EVI5: variants seen among roughly 807,000 people sequenced by gnomAD.
EVI5 encodes the protein ecotropic viral integration site 5 protein homolog.
A neutral mutation model predicts 112.0 loss-of-function variants in EVI5; 73 were observed. The observed-to-expected ratio is 0.65, with a 90% CI of 0.54 to 0.79. The LOEUF (loss-of-function observed/expected upper bound fraction) is 0.79. Among genes scored for constraint, EVI5 ranks in the 30% least tolerant of loss-of-function variants. EVI5 has a pLI of 0.00. For missense variants in EVI5, 900 were observed against 968.8 expected (o/e 0.93, Z 0.94); for synonymous variants, 305 against 319.9 (o/e 0.95, Z 0.50).
At chr1:92,786,261 T>G (rs1288562468), upstream of EVI5, among the ~76,000 whole-genome samples, 2 of 151,558 alleles carry the variant, frequency 1.3e-5, no homozygotes, top group African/African-American at 4.8e-5. Context: ...AAAACCTTAC[T>G]TTTTTTTCAA....
intron 19 of EVI5, among the ~76,000 whole-genome samples, chr1:92,526,788 A>G (rs1005331794): frequency 8.5e-5 from 13 of 152,288 alleles, no homozygotes; most frequent in African/African-American, 3.1e-4. Context: ...GTCATTATAC[A>G]CTTGTCAAAA....
At chr1:92,683,197 A>C (rs1433670032) in intron 9 of EVI5, among the ~76,000 whole-genome samples, 3 of 151,274 alleles carry the variant, frequency 2.0e-5, no homozygotes, top group South Asian at 4.2e-4. Context: ...TAATTCAGAA[A>C]TTTTTTCTGA....
chr1:92,724,419 C>A (rs978560516), intron 2 of EVI5, among the ~76,000 whole-genome samples: 2 of 152,154 alleles, frequency 1.3e-5, no homozygotes, highest in African/African-American at 4.8e-5. Flanking sequence ...TTATTTCATT[C>A]TTGCCGTGAT....
At chr1:92,572,729 T>C (rs886949704) in intron 18 of EVI5, among the ~76,000 whole-genome samples, 3 of 82,898 alleles carry the variant, frequency 3.6e-5, no homozygotes, top group African/African-American at 9.9e-5. Context: ...CATATCTGTT[T>C]TGTACAGTGA....
chr1:92,732,320 T>C (rs1012991436), intron 2 of EVI5: 3 of 400,440 alleles, frequency 7.5e-6, no homozygotes, highest in African/African-American at 2.1e-5. Flanking sequence ...CCCAAAGCCT[T>C]ACATGACTGC....
At chr1:92,550,781 A>AAAAAATATATAT (rs1557766166) in intron 19 of EVI5, among the ~76,000 whole-genome samples, 1 of 20,320 alleles carries the variant, frequency 4.9e-5, no homozygotes, top group Non-Finnish European at 7.7e-5. Flanking sequence ...AAAAAAAAAA[A>AAAAAATATATAT]ATATATATAT....
chr1:92,699,374 C>T (rs1179690118), intron 5 of EVI5, among the ~76,000 whole-genome samples: 7 of 152,146 alleles, frequency 4.6e-5, no homozygotes, highest in Admixed American at 1.3e-4. Context: ...AACCCATATC[C>T]TACCATCAAC....
intron 9 of EVI5, among the ~76,000 whole-genome samples, chr1:92,689,664 T>G (rs556897189): frequency 6.6e-6 from 1 of 152,178 alleles, no homozygotes; most frequent in South Asian, 2.1e-4. Context: ...CCACTGCACG[T>G]GGCCACAATA....
Position 92,513,987 on chromosome 1 carries a change from CAAGTT to C in EVI5, c.2167-22_2167-18del. ...GCACCTGAGCTGTTAAAACAAAATCCAAGTTAATACAGTCAAATGGGGGAAACACA... is the reference window on the plus strand; with the variant it reads ...GCACCTGAGCTGTTAAAACAAAATCCAATACAGTCAAATGGGGGAAACACA... On this transcript the variant is annotated intron_variant, in intron 19 of 19. Coordinates refer to ENST00000684568, the MANE Select transcript of EVI5 (RefSeq NM_001350197.2). 6.8e-6 allele frequency: 10 copies of C among 1,474,268 alleles called. No individual in the cohort carries two copies. The highest frequency in any genetic ancestry group is 9.1e-6 in the Non-Finnish European group (10 of 1,093,418). The allele number at this position is 1,474,268 out of a possible 1,614,324, so 91.3% of individuals were successfully genotyped here.
intron 1 of EVI5, among the ~76,000 whole-genome samples, chr1:92,740,921 T>C (rs1490984471): frequency 6.6e-6 from 1 of 152,176 alleles, no homozygotes; most frequent in African/African-American, 2.4e-5. Context: ...TTAGGGACTC[T>C]GATATGAAAT....
At chr1:92,638,414 G>A (rs1659315704) in intron 13 of EVI5, among the ~76,000 whole-genome samples, 1 of 151,950 alleles carries the variant, frequency 6.6e-6, no homozygotes, top group African/African-American at 2.4e-5. Context: ...TTTTGCCACT[G>A]ACAGAGTTTA....
intron 18 of EVI5, among the ~76,000 whole-genome samples, chr1:92,571,810 C>A (rs1670362872): frequency 6.6e-6 from 1 of 152,134 alleles, no homozygotes; most frequent in Non-Finnish European, 1.5e-5. Context: ...CAGAAACCTG[C>A]ATTTTCTTGA....
intron 1 of EVI5, among the ~76,000 whole-genome samples, chr1:92,769,023 T>C (rs1482518657): frequency 3.3e-5 from 5 of 152,242 alleles, no homozygotes; most frequent in African/African-American, 9.6e-5. Context: ...CACTTTTTCA[T>C]TGCAAATTCT....
At chr1:92,755,272 T>C (rs1430225012) in intron 1 of EVI5, among the ~76,000 whole-genome samples, 2 of 151,820 alleles carry the variant, frequency 1.3e-5, no homozygotes, top group Non-Finnish European at 2.9e-5. Context: ...TAGCCGGACG[T>C]GGGTGGCACA....
chr1:92,593,109 C>A (rs947188949), intron 18 of EVI5, among the ~76,000 whole-genome samples: 5 of 152,098 alleles, frequency 3.3e-5, no homozygotes, highest in African/African-American at 7.2e-5. Context: ...CTGGCAGAGA[C>A]ACAACAAAAA....
chr1:92,605,212 TCA>T lies in EVI5; in HGVS notation c.2070+93_2070+94del, dbSNP rs1382525831. 3.2e-5 allele frequency: 27 copies of T among 840,626 alleles called. No homozygotes were observed. The Admixed American group carries it at 4.6e-4, about 14-fold the overall frequency. The allele number at this position is 840,626 out of a possible 1,614,324, so 52.1% of individuals were successfully genotyped here. A position where few individuals can be genotyped will look rare whatever the true frequency, so the allele number is the denominator to read the frequency against. ...AAATGAATGATTACTGAAAAAAGAATCACAGTCACGAGGATAAAGAGTAAGTT... is the reference window on the plus strand; with the variant it reads ...AAATGAATGATTACTGAAAAAAGAATCAGTCACGAGGATAAAGAGTAAGTT... On this transcript the variant is annotated intron_variant, in intron 18 of 19. Coordinates refer to ENST00000684568, the MANE Select transcript of EVI5 (RefSeq NM_001350197.2).
chr1:92,698,454 A>G (rs61800501), intron 5 of EVI5, among the ~76,000 whole-genome samples: 2,967 of 152,316 alleles, frequency 0.019, 43 homozygotes, highest in Non-Finnish European at 0.029. Flanking sequence ...ATTGATATAG[A>G]TCAGGAAAGG....
chr1:92,560,487 T>A (rs982483059), intron 19 of EVI5, among the ~76,000 whole-genome samples: 4 of 152,190 alleles, frequency 2.6e-5, no homozygotes, highest in African/African-American at 7.2e-5. Flanking sequence ...TTTGTGATAA[T>A]TTATTGAGCT....
intron 16 of EVI5, among the ~76,000 whole-genome samples, chr1:92,621,260 CTG>C (rs1288443352): frequency 2.0e-5 from 3 of 152,174 alleles, no homozygotes; most frequent in Non-Finnish European, 4.4e-5. Flanking sequence ...AATTACAAAA[CTG>C]AGACCAAACT....
Sources: allele counts gnomAD v4.1 joint callset (sites outside exome capture counted in the v4.1 genomes callset), GRCh38; gene constraint gnomAD v4.1.1; transcripts MANE v1.5; gene names NCBI Gene and HGNC (gene_info 2026-07-23, HGNC 2026-07-21).